The following IL1RAPL1 variants were observed in gnomAD, a reference collection of about 807,000 sequenced individuals.
The protein encoded by IL1RAPL1 is interleukin 1 receptor accessory protein like 1.
A neutral mutation model predicts 48.4 loss-of-function variants in IL1RAPL1; 3 were observed. The ratio of observed to expected loss-of-function variants is 0.06; its 90% CI spans 0.03 to 0.16. IL1RAPL1 has a LOEUF of 0.16. Among genes scored for constraint, IL1RAPL1 ranks in the 10% least tolerant of loss-of-function variants. IL1RAPL1 has a pLI of 1.00. For missense variants in IL1RAPL1, 349 were observed against 530.6 expected (o/e 0.66, Z 3.36); for synonymous variants, 185 against 187.7 (o/e 0.99, Z 0.12).
intron 5 of IL1RAPL1, among the ~76,000 whole-genome samples, chrX:29,498,963 T>A (rs1316038263): frequency 5.3e-5 from 6 of 112,180 alleles, no homozygotes; most frequent in Non-Finnish European, 1.1e-4. Context: ...TAAATTCAGA[T>A]CCTGAATAAG....
At chrX:29,291,624 C>G (rs1345349940) in intron 3 of IL1RAPL1, among the ~76,000 whole-genome samples, 1 of 109,747 alleles carries the variant, frequency 9.1e-6, no homozygotes, top group Non-Finnish European at 1.9e-5. Flanking sequence ...TCTTATTGTT[C>G]AACTCCCACT....
At chrX:29,853,234 C>T (rs1720257590) in intron 6 of IL1RAPL1, among the ~76,000 whole-genome samples, 1 of 106,938 alleles carries the variant, frequency 9.4e-6, no homozygotes, top group Middle Eastern at 4.4e-3. Context: ...GTGGCTCACA[C>T]CTATAATCCC....
At chrX:28,634,368 TAC>T (rs1201151756) in intron 1 of IL1RAPL1, among the ~76,000 whole-genome samples, 1 of 109,342 alleles carries the variant, frequency 9.1e-6, no homozygotes, top group African/African-American at 3.3e-5. Context: ...TGTGTATATA[TAC>T]ATATACACGT....
intron 3 of IL1RAPL1, among the ~76,000 whole-genome samples, chrX:29,376,531 G>A (rs1202179891): frequency 9.1e-6 from 1 of 109,862 alleles, no homozygotes; most frequent in Non-Finnish European, 1.9e-5. Context: ...CACCATTCCT[G>A]GCTACTTTTT....
At chrX:28,603,001 AAT>A (rs1934043743) in intron 1 of IL1RAPL1, among the ~76,000 whole-genome samples, 1 of 111,644 alleles carries the variant, frequency 9.0e-6, no homozygotes, top group African/African-American at 3.3e-5. Context: ...CAGTACCAGA[AAT>A]GTGCAATTTG....
chrX:29,629,900 A>G (rs991891489), intron 5 of IL1RAPL1, among the ~76,000 whole-genome samples: 14 of 111,907 alleles, frequency 1.3e-4, no homozygotes, highest in Non-Finnish European at 2.6e-4. Context: ...GTCAACTGGA[A>G]CCCGTTCAAT....
intron 2 of IL1RAPL1, among the ~76,000 whole-genome samples, chrX:29,273,241 G>A (rs932554303): frequency 8.9e-6 from 1 of 112,104 alleles, no homozygotes; most frequent in African/African-American, 3.2e-5. Context: ...TCTTGCCCTG[G>A]TTCTTTCTCA....
chrX:29,354,464 C>T lies in IL1RAPL1; in HGVS notation c.363-41794C>T, dbSNP rs910976890. Among the ~76,000 whole-genome samples the T allele has an allele frequency of 8.1e-5, 9 of 111,792 alleles. No individual in the cohort carries two copies. The Middle Eastern group carries it at 0.014, about 171-fold the overall frequency. On this transcript the variant is annotated intron_variant, in intron 3 of 10. Transcript: ENST00000378993. ...ATGTTAGCCTACAGTTGGGCAAAATCGCTTGACACAAAACCTATTTTATGA... is the reference window on the plus strand; with the variant it reads ...ATGTTAGCCTACAGTTGGGCAAAATTGCTTGACACAAAACCTATTTTATGA...
intron 1 of IL1RAPL1, among the ~76,000 whole-genome samples, chrX:28,603,050 G>A (rs1214590014): frequency 9.0e-6 from 1 of 111,531 alleles, no homozygotes; most frequent in African/African-American, 3.3e-5. Context: ...CTATTGAAAG[G>A]TAATTGGAAA....
At chrX:28,815,891 T>C (rs1936864690) in intron 2 of IL1RAPL1, among the ~76,000 whole-genome samples, 1 of 63,606 alleles carries the variant, frequency 1.6e-5, no homozygotes, top group Non-Finnish European at 3.2e-5. Flanking sequence ...ATATAATTTT[T>C]TTCTTAACCA....
intron 5 of IL1RAPL1, among the ~76,000 whole-genome samples, chrX:29,610,359 G>C (rs765154346): frequency 9.0e-6 from 1 of 111,597 alleles, no homozygotes; most frequent in Non-Finnish European, 1.9e-5. Flanking sequence ...AACTCTTCAT[G>C]GTGGCCAGAA....
At chrX:29,185,417 TCTCTAA>T (rs922116999) in intron 2 of IL1RAPL1, among the ~76,000 whole-genome samples, 5 of 111,920 alleles carry the variant, frequency 4.5e-5, no homozygotes, top group Admixed American at 9.5e-5. Flanking sequence ...GGCCTCTGCT[TCTCTAA>T]CTCTAAAATG....
At chrX:28,944,570 T>A (rs1388617033) in intron 2 of IL1RAPL1, among the ~76,000 whole-genome samples, 1 of 111,129 alleles carries the variant, frequency 9.0e-6, no homozygotes, top group East Asian at 2.8e-4. Flanking sequence ...TTATTGATAA[T>A]TTCTTGGATT....
chrX:29,622,988 C>T (rs1924507607), intron 5 of IL1RAPL1, among the ~76,000 whole-genome samples: 1 of 109,486 alleles, frequency 9.1e-6, no homozygotes, highest in African/African-American at 3.3e-5. Flanking sequence ...AGAATTCTTG[C>T]AGCCGGGCGC....
chrX:29,178,592 T>G (rs999779127), intron 2 of IL1RAPL1, among the ~76,000 whole-genome samples: 5 of 111,902 alleles, frequency 4.5e-5, no homozygotes, highest in Admixed American at 9.5e-5. Flanking sequence ...AGAAGCTCTT[T>G]AGTTTAATTA....
At chrX:28,805,141 A>G (rs918393262) in intron 2 of IL1RAPL1, among the ~76,000 whole-genome samples, 8 of 110,886 alleles carry the variant, frequency 7.2e-5, no homozygotes, top group African/African-American at 2.6e-4. Context: ...AGTCCAGGTA[A>G]GAAAGTCATG....
chrX:29,921,841 T>A (rs1932850339), intron 8 of IL1RAPL1, among the ~76,000 whole-genome samples: 1 of 112,309 alleles, frequency 8.9e-6, no homozygotes, highest in Non-Finnish European at 1.9e-5. Context: ...AAGTGTTTGA[T>A]GACAGTCACC....
At chrX:29,458,877 G>T (rs1384195412) in intron 5 of IL1RAPL1, among the ~76,000 whole-genome samples, 3 of 110,978 alleles carry the variant, frequency 2.7e-5, no homozygotes, top group Non-Finnish European at 3.8e-5. Flanking sequence ...TTACGTAAAG[G>T]GCTAGATTGT....
intron 5 of IL1RAPL1, among the ~76,000 whole-genome samples, chrX:29,501,117 A>T (rs1935268416): frequency 9.0e-6 from 1 of 111,442 alleles, no homozygotes; most frequent in Admixed American, 9.5e-5. Context: ...GTCTATTCTG[A>T]TCTTTTGCTC....
Sources: gnomAD v4.1 joint callset for allele counts (sites outside exome capture counted in the v4.1 genomes callset) on GRCh38, gnomAD v4.1.1 for gene constraint, MANE v1.5 for transcripts, NCBI Gene and HGNC (gene_info 2026-07-23, HGNC 2026-07-21) for gene names.